The following PCDHGA3 variants were observed in gnomAD, a reference collection of about 807,000 sequenced individuals.
PCDHGA3 encodes protocadherin gamma subfamily A, 3.
Under a neutral mutation model 58.5 loss-of-function variants are expected in PCDHGA3, and 40 were observed. That is an observed-to-expected ratio of 0.68 (90% CI 0.53 to 0.89). The LOEUF (loss-of-function observed/expected upper bound fraction) is 0.89, where lower values mean the gene tolerates loss of function less well. PCDHGA3 is among the 40% of genes least tolerant of loss of function. PCDHGA3 has a pLI of 0.00. For missense variants in PCDHGA3, 1,223 were observed against 1,195.9 expected (o/e 1.02, Z -0.33); for synonymous variants, 530 against 525.7 (o/e 1.01, Z -0.11).
rs1279890312 is a variant in PCDHGA3, at chr5:141,432,403, G to C, written c.2425-62404G>C. On this transcript the variant is annotated intron_variant, in intron 1 of 3. Transcript: ENST00000253812. This position sits in a 1 kb window ranked among gnomAD's most constrained non-coding sequence, Gnocchi z 6.0. ...CGCCCCTCAGCAGCAACGTGTCGTT[G>C]AGCCTGTTCGTGCTGGACCAGAACG... 1.9e-6 allele frequency: 3 copies of C among 1,614,242 alleles called. No homozygotes were observed. Among genetic ancestry groups the C allele is most frequent in the Non-Finnish European group, 8.5e-7 (1 of 1,180,052 alleles).
intron 1 of PCDHGA3, chr5:141,366,690 A>T: frequency 6.2e-7 from 1 of 1,614,252 alleles, no homozygotes; most frequent in Non-Finnish European, 8.5e-7. Context: ...AGCTGTGAGA[A>T]AAGCGAGCCT....
chr5:141,473,312 A>G (rs1432409474), intron 1 of PCDHGA3, among the ~76,000 whole-genome samples: 1 of 152,228 alleles, frequency 6.6e-6, no homozygotes, highest in Non-Finnish European at 1.5e-5. Context: ...TGCTATATTA[A>G]TAAGCATTAA....
At chr5:141,360,837 T>C in intron 1 of PCDHGA3, 1 of 1,613,970 alleles carries the variant, frequency 6.2e-7, no homozygotes, top group African/African-American at 1.3e-5. Context: ...AAGTCACGGA[T>C]GCCAACGATA....
rs752402965 is a variant in PCDHGA3, at chr5:141,491,400, C to G, written c.2425-3407C>G. The G allele has an allele frequency of 2.7e-5, 44 of 1,613,990 alleles. No individual in the cohort carries two copies. The highest frequency in any genetic ancestry group is 3.5e-5 in the Non-Finnish European group (41 of 1,179,996). On this transcript the variant is annotated intron_variant, in intron 1 of 3. Coordinates refer to ENST00000253812, the MANE Select transcript of PCDHGA3 (RefSeq NM_018916.4). The surrounding 1 kb of genome is among the most constrained non-coding windows in gnomAD (Gnocchi z 6.9). ...TGTCAGCGAAGTGCCTTCAGGGAAA[C>G]GCAGACGGGGACGGGGGTGGAGGGC... is the stretch of plus-strand genomic sequence containing the variant.
intron 1 of PCDHGA3, among the ~76,000 whole-genome samples, chr5:141,452,761 G>A (rs1291983570): frequency 6.6e-6 from 1 of 152,036 alleles, no homozygotes; most frequent in East Asian, 1.9e-4. Flanking sequence ...AGGAAGGGAG[G>A]GAGGGAAAAC....
At chr5:141,375,777 C>T in intron 1 of PCDHGA3, 1 of 1,614,250 alleles carries the variant, frequency 6.2e-7, no homozygotes, top group African/African-American at 1.3e-5. Flanking sequence ...ATCCTGTACC[C>T]CGCCCTCCCC....
At chr5:141,465,522 G>A (rs1416012695) in intron 1 of PCDHGA3, among the ~76,000 whole-genome samples, 1 of 152,112 alleles carries the variant, frequency 6.6e-6, no homozygotes, top group Non-Finnish European at 1.5e-5. Context: ...AGGATTCTGG[G>A]GAAGTTTTCC....
chr5:141,399,356 A>G, intron 1 of PCDHGA3: 1 of 1,614,010 alleles, frequency 6.2e-7, no homozygotes, highest in Non-Finnish European at 8.5e-7. Flanking sequence ...GACCGAGAGC[A>G]AACCCCGGAG....
At chr5:141,461,951 G>C (rs1419637040) in intron 1 of PCDHGA3, among the ~76,000 whole-genome samples, 1 of 152,186 alleles carries the variant, frequency 6.6e-6, no homozygotes, top group African/African-American at 2.4e-5. Context: ...AACCTCCTGA[G>C]TAGCTGGGAT....
At position 141,489,924 on chromosome 5, in the gene PCDHGA3, C is replaced by G. The variant is rs755286650; in HGVS notation, c.2425-4883C>G. ...CAGCCCGCTCAGGGACCACCCTTAT[C>G]TCTGTCATCGTGCTGGACATCAATG... is the stretch of plus-strand genomic sequence containing the variant. On this transcript the variant is annotated intron_variant, in intron 1 of 3. Transcript: ENST00000253812. This position sits in a 1 kb window ranked among gnomAD's most constrained non-coding sequence, Gnocchi z 4.5. 22 of 1,614,226 alleles carry G rather than the reference C, an allele frequency of 1.4e-5. No homozygotes were observed. The highest frequency in any genetic ancestry group is 1.9e-5 in the Non-Finnish European group (22 of 1,180,030).
In PCDHGA3 at chr5:141,448,944, C is replaced by CAAAA. The variant is rs560691811; in HGVS notation, c.2425-45859_2425-45856dup. Among the ~76,000 whole-genome samples, 218 of 152,004 alleles carry CAAAA rather than the reference C, an allele frequency of 1.4e-3. 1 individual carries two copies. The highest frequency in any genetic ancestry group is 5.1e-3 in the African/African-American group (213 of 41,464). On this transcript the variant is annotated intron_variant, in intron 1 of 3. Coordinates refer to ENST00000253812, the MANE Select transcript of PCDHGA3 (RefSeq NM_018916.4). ...TGGGCGACAGAGCAAGACTGCAACTCAAAAAAACAAACAAACAAACAAAAA... is the reference window on the plus strand; with the variant it reads ...TGGGCGACAGAGCAAGACTGCAACTCAAAAAAAAAAACAAACAAACAAACAAAAA...
chr5:141,389,718 C>G, intron 1 of PCDHGA3: 5 of 1,612,622 alleles, frequency 3.1e-6, no homozygotes, highest in Non-Finnish European at 4.2e-6. Flanking sequence ...GGCTAGCGAG[C>G]CCGGGCTCTT....
rs561908431 is a variant in PCDHGA3, at chr5:141,510,639, TATC to T, written c.2573-304_2573-302del. Among the ~76,000 whole-genome samples the T allele has an allele frequency of 8.5e-3, 1,289 of 152,298 alleles. 6 individuals carry two copies. Among genetic ancestry groups the T allele is most frequent in the Middle Eastern group, 0.058 (17 of 294 alleles). On this transcript the variant is annotated intron_variant, in intron 3 of 3. Transcript: ENST00000253812. ...TAAAACCAGAAGAGGTGGTTACCAT[TATC>T]ATCCCCATTTTGCAGATGAGAAAAC...
intron 1 of PCDHGA3, chr5:141,408,708 A>G (rs773303576): frequency 6.2e-6 from 10 of 1,612,888 alleles, no homozygotes; most frequent in Non-Finnish European, 8.5e-6. Flanking sequence ...TCAATTAAAG[A>G]TTATAAGATA....
At chr5:141,370,084 A>C (rs947010720) in intron 1 of PCDHGA3, among the ~76,000 whole-genome samples, 2 of 152,244 alleles carry the variant, frequency 1.3e-5, no homozygotes, top group Non-Finnish European at 2.9e-5. Context: ...AAGTATCACT[A>C]TCAGTACACT....
intron 1 of PCDHGA3, chr5:141,361,524 G>T (rs551885796): frequency 6.2e-7 from 1 of 1,614,056 alleles, no homozygotes; most frequent in South Asian, 1.1e-5. Context: ...ACGTGGCAGA[G>T]AACAATCCTC....
intron 1 of PCDHGA3, among the ~76,000 whole-genome samples, chr5:141,442,967 G>T (rs553833025): frequency 1.3e-5 from 2 of 152,220 alleles, no homozygotes; most frequent in African/African-American, 2.4e-5. Context: ...AGACATTCTG[G>T]CTGATAAAGT....
chr5:141,460,681 A>G (rs2098995379), intron 1 of PCDHGA3, among the ~76,000 whole-genome samples: 1 of 152,134 alleles, frequency 6.6e-6, no homozygotes, highest in African/African-American at 2.4e-5. Context: ...ATATATCTAT[A>G]TATCCACCAA....
chr5:141,345,832 A>G lies in PCDHGA3; in HGVS notation c.1799A>G (p.Gln600Arg). 2 of 1,613,492 alleles carry G rather than the reference A, an allele frequency of 1.2e-6. No homozygotes were observed. Among genetic ancestry groups the G allele is most frequent in the Non-Finnish European group, 1.7e-6 (2 of 1,179,986 alleles). Residue 600 changes from glutamine (Q) to arginine (R), a missense_variant, in exon 1 of 4, where the codon CAG becomes CGG. By Grantham distance (43) the Gln-to-Arg change is conservative. Around this residue, in one of 3 missense-constraint regions of PCDHGA3, gnomAD observed 107 missense variants for 159.8 expected, o/e 0.67. Coordinates refer to ENST00000253812, the MANE Select transcript of PCDHGA3 (RefSeq NM_018916.4). ...KVVAVDRDSG[Q>R]NAWLSYRLLK... is the part of the protein sequence containing the mutation. ...GTGGCGGTGGACAGAGACTCGGGCC[A>G]GAACGCCTGGCTGTCCTACCGCCTG...
Sources: gnomAD v4.1 joint callset for allele counts (sites outside exome capture counted in the v4.1 genomes callset) on GRCh38, gnomAD v4.1.1 for gene constraint, gnomAD v4.1.1 regional missense constraint, Gnocchi (gnomAD v3.1) non-coding constraint, MANE v1.5 for transcripts, NCBI Gene and HGNC (gene_info 2026-07-23, HGNC 2026-07-21) for gene names.